The following NTNG2 variants were observed in gnomAD, a reference collection of about 807,000 sequenced individuals.
NTNG2 encodes the protein netrin G2.
NTNG2 carries 15 observed loss-of-function variants against 47.6 expected under a neutral mutation model. That is an observed-to-expected ratio of 0.32 (90% CI 0.21 to 0.49). NTNG2 has a LOEUF of 0.49. Among genes scored for constraint, NTNG2 ranks in the 20% least tolerant of loss-of-function variants. The pLI is 0.99. For synonymous variants in NTNG2, 307 were observed against 324.6 expected, an observed-to-expected ratio of 0.95 and a Z score of 0.58; for missense variants, 578 against 764.6, an observed-to-expected ratio of 0.76 and a Z score of 2.88.
chr9:132,194,980 C>T (rs1287134050), intron 2 of NTNG2, among the ~76,000 whole-genome samples: 1 of 152,258 alleles, frequency 6.6e-6, no homozygotes, highest in Non-Finnish European at 1.5e-5. Context: ...GAGGTTTTAA[C>T]TTAGATCCAA....
chr9:132,228,180 C>T (rs1160522089), intron 4 of NTNG2, among the ~76,000 whole-genome samples: 4 of 152,364 alleles, frequency 2.6e-5, no homozygotes, highest in South Asian at 2.1e-4. Flanking sequence ...CATCCTCCCT[C>T]GACGGGTGAA....
chr9:132,173,722 G>T (rs1836118558), intron 2 of NTNG2, among the ~76,000 whole-genome samples: 1 of 150,542 alleles, frequency 6.6e-6, no homozygotes, highest in Non-Finnish European at 1.5e-5. Context: ...GGACAGACAG[G>T]CAGGAGCACC....
chr9:132,178,961 C>CA (rs33967810), intron 2 of NTNG2, among the ~76,000 whole-genome samples: 22,681 of 82,218 alleles, frequency 0.28, 3,138 homozygotes, highest in Non-Finnish European at 0.33. Context: ...GACTCGGTCT[C>CA]AAAAAAAAAA....
At chr9:132,175,732 C>T (rs931639300) in intron 2 of NTNG2, among the ~76,000 whole-genome samples, 3 of 152,188 alleles carry the variant, frequency 2.0e-5, no homozygotes, top group Non-Finnish European at 2.9e-5. Flanking sequence ...TGAATGCCAC[C>T]GGGAGTCAGA....
intron 5 of NTNG2, chr9:132,233,650 T>G (rs1346622212): frequency 6.6e-6 from 1 of 152,174 alleles, no homozygotes; most frequent in Non-Finnish European, 1.5e-5. Context: ...CTCCCTCCTC[T>G]TCAGCAACTG....
Position 132,186,130 on chromosome 9 carries a change from G to A in NTNG2, c.214-11836G>A, listed in dbSNP as rs74583208. The stretch of plus-strand genomic sequence containing the variant: ...AAATTTCAGCCCCACACTCGAAGGA[G>A]GGAGCAGTGGGGTTTCACCTATCTG... On this transcript the variant is annotated intron_variant, in intron 2 of 7. Transcript: ENST00000393229. 7.4e-3 allele frequency among the ~76,000 whole-genome samples: 1,121 copies of A among 152,328 alleles called. 15 individuals are homozygous for A. The highest frequency in any genetic ancestry group is 0.026 in the African/African-American group (1,070 of 41,562).
At chr9:132,209,219 G>A (rs1251545945) in intron 3 of NTNG2, among the ~76,000 whole-genome samples, 3 of 152,232 alleles carry the variant, frequency 2.0e-5, no homozygotes, top group Admixed American at 6.5e-5. Flanking sequence ...CGGCTGGGTC[G>A]TCTGGTGAGC....
intron 2 of NTNG2, among the ~76,000 whole-genome samples, chr9:132,186,463 C>T (rs1837391051): frequency 6.6e-6 from 1 of 152,368 alleles, no homozygotes. Flanking sequence ...CAATGCCTCC[C>T]CGCCCACCAC....
chr9:132,198,676 T>C (rs3739929), intron 3 of NTNG2, 67 bp downstream of exon 3: 152,471 of 1,492,226 alleles, frequency 0.1, 8,803 homozygotes, highest in Middle Eastern at 0.19. Context: ...TGGGACGTTA[T>C]TGGATACCTG....
chr9:132,199,198 G>A (rs1376379730), intron 3 of NTNG2, among the ~76,000 whole-genome samples: 3 of 152,086 alleles, frequency 2.0e-5, no homozygotes, highest in African/African-American at 7.2e-5. Context: ...GGCAGAGCTG[G>A]GCTAACTCCT....
At chr9:132,167,106 C>T in intron 2 of NTNG2, 62 bp downstream of exon 2, 2 of 1,563,604 alleles carry the variant, frequency 1.3e-6, no homozygotes, top group Non-Finnish European at 1.8e-6. Context: ...TGGAGGAGAT[C>T]CTTGGGGTGG....
In NTNG2 at chr9:132,242,752, A is replaced by T. The variant is rs1842064947; in HGVS notation, c.*641A>T. On this transcript the variant is annotated 3_prime_UTR_variant, in exon 8 of 8. Coordinates refer to ENST00000393229, the MANE Select transcript of NTNG2 (RefSeq NM_032536.4). This position sits in a 1 kb window ranked among gnomAD's most constrained non-coding sequence, Gnocchi z 5.9. Reference sequence around the variant, plus strand: ...TTGTTTGTATTCACTGTCCCCTGCAAGGGGGACGGGGCGGGAGCACTGGTC... The same window carrying T: ...TTGTTTGTATTCACTGTCCCCTGCATGGGGGACGGGGCGGGAGCACTGGTC... 1 of 152,178 alleles carries T rather than the reference A, an allele frequency of 6.6e-6. No homozygotes were observed. Among genetic ancestry groups the T allele is most frequent in the Non-Finnish European group, 1.5e-5 (1 of 68,038 alleles). 9.4% of individuals were successfully genotyped at this position (152,178 alleles called of 1,614,324 possible). A position where few individuals can be genotyped will look rare whatever the true frequency, so the allele number is the denominator to read the frequency against.
Position 132,198,337 on chromosome 9 carries a change from C to T in NTNG2, c.585C>T (p.Cys195=). 1 of 1,612,866 alleles carries T rather than the reference C, an allele frequency of 6.2e-7. No individual in the cohort carries two copies. Among genetic ancestry groups the T allele is most frequent in the South Asian group, 1.1e-5 (1 of 91,076 alleles). Residue 195 remains cysteine (C), a synonymous_variant, in exon 3 of 8, where the codon TGC becomes TGT. Coordinates refer to ENST00000393229, the MANE Select transcript of NTNG2 (RefSeq NM_032536.4). The part of the protein sequence containing the change: ...MSSSSAHRVL[C]TEEYSRWAGS... Reference sequence around the variant, plus strand: ...CCTCCAGCGCGCACCGCGTGCTCTGCACCGAGGAGTACTCGCGCTGGGCAG... The same window carrying T: ...CCTCCAGCGCGCACCGCGTGCTCTGTACCGAGGAGTACTCGCGCTGGGCAG...
intron 4 of NTNG2, among the ~76,000 whole-genome samples, chr9:132,228,491 C>T (rs1205846541): frequency 6.6e-6 from 1 of 152,090 alleles, no homozygotes; most frequent in Non-Finnish European, 1.5e-5. Flanking sequence ...GCTGCCCTTT[C>T]GTCTGTCCTG....
At chr9:132,212,733 A>T (rs1839682468) in intron 3 of NTNG2, among the ~76,000 whole-genome samples, 1 of 152,128 alleles carries the variant, frequency 6.6e-6, no homozygotes, top group East Asian at 1.9e-4. Flanking sequence ...AGGCTTCCCC[A>T]TCCCATGAAT....
In NTNG2 at chr9:132,231,487, G is replaced by C. The variant is rs1322575617; in HGVS notation, c.1054+892G>C. 1 of 360,454 alleles carries C rather than the reference G, an allele frequency of 2.8e-6. No individual in the cohort carries two copies. The highest frequency in any genetic ancestry group is 5.5e-6 in the Non-Finnish European group (1 of 182,722). 22.3% of individuals were successfully genotyped at this position (360,454 alleles called of 1,614,324 possible). A position where few individuals can be genotyped will look rare whatever the true frequency, so the allele number is the denominator to read the frequency against. Reference sequence around the variant, plus strand: ...AAGTTGTCCCTCCCGGACCCAGGGGGCCCCTGGCTGGGAAGCCAGTGAGCC... The same window carrying C: ...AAGTTGTCCCTCCCGGACCCAGGGGCCCCCTGGCTGGGAAGCCAGTGAGCC... On this transcript the variant is annotated intron_variant, in intron 5 of 7. Transcript: ENST00000393229. The surrounding 1 kb of genome is among the most constrained non-coding windows in gnomAD (Gnocchi z 4.1).
At position 132,182,509 on chromosome 9, in the gene NTNG2, T is replaced by C. The variant is rs970463074; in HGVS notation, c.214-15457T>C. ...GGCCTTCCTTGCTGTCTCTGCCCGC[T>C]CCAAAATGGAAAATTGTCCCACCCA... is the stretch of plus-strand genomic sequence containing the variant. On this transcript the variant is annotated intron_variant, in intron 2 of 7. Coordinates refer to ENST00000393229, the MANE Select transcript of NTNG2 (RefSeq NM_032536.4). This position sits in a 1 kb window ranked among gnomAD's most constrained non-coding sequence, Gnocchi z 4.2. Among the ~76,000 whole-genome samples the C allele has an allele frequency of 6.6e-6, 1 of 152,026 alleles. No individual in the cohort carries two copies. The highest frequency in any genetic ancestry group is 1.5e-5 in the Non-Finnish European group (1 of 67,966).
At chr9:132,189,092 T>TTTTTTTTTTTTTTG (rs1837651788) in intron 2 of NTNG2, among the ~76,000 whole-genome samples, 1 of 140,524 alleles carries the variant, frequency 7.1e-6, no homozygotes, top group South Asian at 2.3e-4. Context: ...TTTTTTTTTT[T>TTTTTTTTTTTTTTG]TTTAGACAGG....
Position 132,242,859 on chromosome 9 carries a change from T to C in NTNG2, c.*748T>C, listed in dbSNP as rs1842068707. The C allele has an allele frequency of 6.6e-6, 1 of 152,282 alleles. No homozygotes were observed. The highest frequency in any genetic ancestry group is 1.5e-5 in the Non-Finnish European group (1 of 68,096). 9.4% of individuals were successfully genotyped at this position (152,282 alleles called of 1,614,324 possible). On this transcript the variant is annotated 3_prime_UTR_variant, in exon 8 of 8. Coordinates refer to ENST00000393229, the MANE Select transcript of NTNG2 (RefSeq NM_032536.4). The surrounding 1 kb of genome is among the most constrained non-coding windows in gnomAD (Gnocchi z 5.9). Reference sequence around the variant, plus strand: ...TCCACGGCCTGTTTTCTTTCTGTGTTGGGGACGGTGGGCAGGTGTGGGGCT... The same window carrying C: ...TCCACGGCCTGTTTTCTTTCTGTGTCGGGGACGGTGGGCAGGTGTGGGGCT...
Sources: gnomAD v4.1 joint callset for allele counts (sites outside exome capture counted in the v4.1 genomes callset) on GRCh38, gnomAD v4.1.1 for gene constraint, Gnocchi (gnomAD v3.1) non-coding constraint, MANE v1.5 for transcripts, NCBI Gene and HGNC (gene_info 2026-07-23, HGNC 2026-07-21) for gene names.